The following ZNF407 variants were observed in gnomAD, a reference collection of about 807,000 sequenced individuals.
ZNF407 encodes zinc finger protein 407.
In ZNF407, 17 loss-of-function variants were observed where a neutral mutation model predicts 131.2. The observed-to-expected ratio is 0.13, with a 90% CI of 0.09 to 0.19. The LOEUF (loss-of-function observed/expected upper bound fraction) is 0.19. ZNF407 is among the 10% of genes least tolerant of loss of function. The pLI, the probability that ZNF407 is intolerant of heterozygous loss-of-function variation, is 1.00. For missense variants in ZNF407, 2,681 were observed against 2,830.6 expected, an observed-to-expected ratio of 0.95 and a Z score of 1.20; for synonymous variants, 1,156 against 1,062.0, an observed-to-expected ratio of 1.09 and a Z score of -1.72.
chr18:74,739,639 A>G (rs935129175), intron 3 of ZNF407, among the ~76,000 whole-genome samples: 1 of 152,086 alleles, frequency 6.6e-6, no homozygotes, highest in African/African-American at 2.4e-5. Flanking sequence ...TTATAAGCAA[A>G]CGTATAACCT....
chr18:74,606,991 G>A (rs1982835580), intron 1 of ZNF407, among the ~76,000 whole-genome samples: 1 of 152,174 alleles, frequency 6.6e-6, no homozygotes, highest in East Asian at 1.9e-4. Flanking sequence ...TCACCTTTTA[G>A]AGGGAATGAG....
intron 4 of ZNF407, among the ~76,000 whole-genome samples, chr18:74,799,616 T>C (rs563903136): frequency 6.6e-6 from 1 of 152,142 alleles, no homozygotes; most frequent in East Asian, 1.9e-4. Context: ...AGCAAAAATA[T>C]CATATAACAA....
At chr18:74,656,263 A>T (rs1203211658) in intron 3 of ZNF407, among the ~76,000 whole-genome samples, 1 of 152,120 alleles carries the variant, frequency 6.6e-6, no homozygotes, top group Non-Finnish European at 1.5e-5. Context: ...AAAATAACTG[A>T]TTTATTTTTC....
At chr18:74,997,430 T>A (rs886306948) in intron 8 of ZNF407, among the ~76,000 whole-genome samples, 3 of 152,128 alleles carry the variant, frequency 2.0e-5, no homozygotes, top group Non-Finnish European at 4.4e-5. Context: ...AGGGAACTGC[T>A]TGTTCAGGCC....
chr18:74,819,482 C>G (rs1356119323), intron 4 of ZNF407, among the ~76,000 whole-genome samples: 1 of 152,128 alleles, frequency 6.6e-6, no homozygotes, highest in Non-Finnish European at 1.5e-5. Flanking sequence ...CATGATCACC[C>G]CAATGTCTTC....
chr18:75,035,175 G>A (rs1157882705), intron 8 of ZNF407, among the ~76,000 whole-genome samples: 3 of 152,176 alleles, frequency 2.0e-5, no homozygotes, highest in Admixed American at 6.5e-5. Flanking sequence ...GTGTGCATGT[G>A]TTTTGCATCT....
At chr18:74,790,222 G>C (rs1969800436) in intron 4 of ZNF407, among the ~76,000 whole-genome samples, 1 of 152,068 alleles carries the variant, frequency 6.6e-6, no homozygotes. Context: ...TTAGACCAGA[G>C]ATATATGGTT....
intron 7 of ZNF407, among the ~76,000 whole-genome samples, chr18:74,909,720 A>G (rs1367574373): frequency 6.6e-6 from 1 of 152,092 alleles, no homozygotes; most frequent in Non-Finnish European, 1.5e-5. Context: ...TTTTTTGGAG[A>G]AGGGTTTTAT....
intron 3 of ZNF407, among the ~76,000 whole-genome samples, chr18:74,763,408 A>T (rs1024352223): frequency 2.0e-5 from 3 of 151,446 alleles, no homozygotes; most frequent in African/African-American, 7.3e-5. Flanking sequence ...TTCTCTTTAG[A>T]AGGGGAGAAT....
chr18:74,918,469 G>A (rs892791279), intron 7 of ZNF407, among the ~76,000 whole-genome samples: 1 of 152,148 alleles, frequency 6.6e-6, no homozygotes, highest in Non-Finnish European at 1.5e-5. Context: ...GCATACATTA[G>A]GTGCTTACTC....
At chr18:74,917,506 G>A (rs1008167250) in intron 7 of ZNF407, among the ~76,000 whole-genome samples, 1 of 152,060 alleles carries the variant, frequency 6.6e-6, no homozygotes, top group African/African-American at 2.4e-5. Flanking sequence ...AATAAAAGAA[G>A]CTTCCTACCT....
At chr18:74,870,473 T>G (rs1353227877) in intron 4 of ZNF407, among the ~76,000 whole-genome samples, 3 of 152,220 alleles carry the variant, frequency 2.0e-5, no homozygotes, top group Non-Finnish European at 4.4e-5. Context: ...TAGAGTTGAA[T>G]TTAGTAAATG....
intron 4 of ZNF407, among the ~76,000 whole-genome samples, chr18:74,797,832 A>AT (rs1969948911): frequency 6.8e-6 from 1 of 146,050 alleles, no homozygotes; most frequent in African/African-American, 2.5e-5. Flanking sequence ...TTTTTTTTAC[A>AT]TTTTAAGGGA....
At chr18:74,810,347 C>T (rs1970176405) in intron 4 of ZNF407, among the ~76,000 whole-genome samples, 1 of 107,952 alleles carries the variant, frequency 9.3e-6, no homozygotes, top group Admixed American at 1.2e-4. Context: ...AAAGGTGATG[C>T]ACCTTTGCTT....
chr18:75,040,731 C>T (rs1973362942), intron 8 of ZNF407, among the ~76,000 whole-genome samples: 1 of 152,124 alleles, frequency 6.6e-6, no homozygotes, highest in Non-Finnish European at 1.5e-5. Flanking sequence ...TCTAAATTAG[C>T]CTATATGGAT....
At chr18:75,044,154 G>A (rs1973405563) in intron 8 of ZNF407, among the ~76,000 whole-genome samples, 1 of 152,024 alleles carries the variant, frequency 6.6e-6, no homozygotes, top group Admixed American at 6.6e-5. Flanking sequence ...AGAATCTTAT[G>A]TAAGGTTTTC....
At chr18:74,599,078 A>G (rs1982455598) in intron 1 of ZNF407, among the ~76,000 whole-genome samples, 2 of 152,210 alleles carry the variant, frequency 1.3e-5, no homozygotes, top group African/African-American at 2.4e-5. Flanking sequence ...CAGGGGCCCT[A>G]ACATATACTC....
intron 3 of ZNF407, among the ~76,000 whole-genome samples, chr18:74,713,547 A>G (rs1484451886): frequency 2.0e-5 from 3 of 152,076 alleles, no homozygotes; most frequent in Non-Finnish European, 4.4e-5. Context: ...AGGCATTTGG[A>G]AAGCTTGGCC....
intron 1 of ZNF407, among the ~76,000 whole-genome samples, chr18:74,612,036 T>G (rs2144620905): frequency 6.6e-6 from 1 of 152,268 alleles, no homozygotes; most frequent in South Asian, 2.1e-4. Flanking sequence ...ATTCCCATAG[T>G]GAAGTCCCGT....
Sources: allele counts gnomAD v4.1 joint callset (sites outside exome capture counted in the v4.1 genomes callset), GRCh38; gene constraint gnomAD v4.1.1; transcripts MANE v1.5; gene names NCBI Gene and HGNC (gene_info 2026-07-23, HGNC 2026-07-21).